The following TJP1 variants were observed in gnomAD, a reference collection of about 807,000 sequenced individuals.
The protein encoded by TJP1 is tight junction protein 1.
TJP1 carries 43 observed loss-of-function variants against 194.2 expected under a neutral mutation model. The observed-to-expected ratio is 0.22, with a 90% CI of 0.17 to 0.29. The LOEUF is 0.29. Ranked by LOEUF, TJP1 falls within the 10% of genes least tolerant of loss-of-function variation. The probability of loss-of-function intolerance (pLI) is 1.00; values close to 1 mark genes in which losing one functional copy is unlikely to be tolerated. For missense variants in TJP1, 1,971 were observed against 2,185.7 expected, an observed-to-expected ratio of 0.90 and a Z score of 1.96; for synonymous variants, 801 against 779.0, an observed-to-expected ratio of 1.03 and a Z score of -0.47.
chr15:29,885,997 T>C (rs2053103416), intron 2 of TJP1, among the ~76,000 whole-genome samples: 1 of 152,340 alleles, frequency 6.6e-6, no homozygotes, highest in African/African-American at 2.4e-5. Flanking sequence ...ATTAGGGTTT[T>C]TCAAGACGTA....
At chr15:29,757,246 A>T (rs1189042795) in intron 8 of TJP1, among the ~76,000 whole-genome samples, 1 of 152,244 alleles carries the variant, frequency 6.6e-6, no homozygotes, top group Non-Finnish European at 1.5e-5. Context: ...CATCCTAAAA[A>T]TATACAAAAG....
At position 29,710,951 on chromosome 15, in the gene TJP1, G is replaced by A. The variant is rs376207156; in HGVS notation, c.4252C>T (p.Arg1418Cys). The A allele has an allele frequency of 1.2e-5, 19 of 1,613,880 alleles. No individual in the cohort carries two copies. Among genetic ancestry groups the A allele is most frequent in the East Asian group, 2.2e-5 (1 of 44,888 alleles). ...GGAGTGGCCTGGATGGGTTCATAGC[G>A]TTTCTCGCCAAATGATCTATCCACA... is the stretch of plus-strand genomic sequence containing the variant. ...DGVDRSFGEK[R>C]YEPIQATPPP... Residue 1418 changes from arginine (R) to cysteine (C), a missense_variant, in exon 24 of 28, where the codon CGC becomes TGC. Physicochemically the swap from Arg to Cys is radical, Grantham distance 180 (BLOSUM62 -3). Coordinates refer to ENST00000614355, the MANE Select transcript of TJP1 (RefSeq NM_001330239.4).
chr15:29,902,747 C>A (rs1810257403), intron 2 of TJP1, among the ~76,000 whole-genome samples: 1 of 152,136 alleles, frequency 6.6e-6, no homozygotes, highest in Admixed American at 6.5e-5. Context: ...AAGAAAAAAA[C>A]ACTAAAGGCC....
chr15:29,712,072 ATC>A (rs2042279087), intron 23 of TJP1, among the ~76,000 whole-genome samples: 1 of 152,190 alleles, frequency 6.6e-6, no homozygotes, highest in African/African-American at 2.4e-5. Flanking sequence ...ATTCACACAA[ATC>A]TTTTTAAAAG....
At chr15:29,875,454 G>C (rs1191736707) in intron 2 of TJP1, among the ~76,000 whole-genome samples, 1 of 152,106 alleles carries the variant, frequency 6.6e-6, no homozygotes, top group Admixed American at 6.5e-5. Context: ...AGCAAATCAT[G>C]CATTTGCTTT....
intron 2 of TJP1, among the ~76,000 whole-genome samples, chr15:29,845,531 C>T (rs535945714): frequency 4.1e-4 from 62 of 152,192 alleles, no homozygotes; most frequent in African/African-American, 1.3e-3. Flanking sequence ...ACTGGCTGGG[C>T]GCAGAGGATC....
intron 1 of TJP1, among the ~76,000 whole-genome samples, chr15:29,816,964 T>A (rs545721832): frequency 2.0e-5 from 3 of 152,220 alleles, no homozygotes; most frequent in East Asian, 1.9e-4. Flanking sequence ...ACAAATGGGA[T>A]CTAATTAAAC....
intron 2 of TJP1, among the ~76,000 whole-genome samples, chr15:29,940,103 T>C (rs929799636): frequency 3.9e-5 from 6 of 152,112 alleles, no homozygotes; most frequent in Admixed American, 3.3e-4. Flanking sequence ...CTGGGTGGGG[T>C]TTATGACAGC....
At position 29,744,096 on chromosome 15, in the gene TJP1, T is replaced by C. The variant is rs528745676; in HGVS notation, c.1011-1315A>G. Among the ~76,000 whole-genome samples, 470 of 152,210 alleles carry C rather than the reference T, an allele frequency of 3.1e-3. 4 individuals are homozygous for C. The highest frequency in any genetic ancestry group is 0.01 in the African/African-American group (431 of 41,530). ...CGTGAGGCTGAGGCAGGAGAATCAA[T>C]TGAACCCAGGAGGCAGAGGTTGCAG... On this transcript the variant is annotated intron_variant, in intron 8 of 27. Coordinates refer to ENST00000614355, the MANE Select transcript of TJP1 (RefSeq NM_001330239.4).
intron 2 of TJP1, among the ~76,000 whole-genome samples, chr15:29,835,243 T>C (rs1251777094): frequency 1.3e-5 from 2 of 152,228 alleles, no homozygotes; most frequent in African/African-American, 4.8e-5. Context: ...TTTGTTTCCA[T>C]GAAAAGCTCT....
rs199603537 is a variant in TJP1, at chr15:29,708,719, A to G, written c.4690T>C (p.Ser1564Pro). 8.4e-5 allele frequency: 136 copies of G among 1,614,266 alleles called. 1 individual carries two copies. In the Middle Eastern group the frequency reaches 4.1e-3, roughly 49 times the overall value. The change falls in exon 25 of 28, where the codon TCT becomes CCT. Residue 1564 changes from serine (S) to proline (P), a missense_variant. Ser to Pro is a moderately conservative substitution (Grantham distance 74). Around this residue, in one of 5 missense-constraint regions of TJP1, gnomAD observed 1,108 missense variants for 1,128.5 expected, o/e 0.98. Transcript: ENST00000614355. ...PSETAHKPDL[S>P]SKTPTSPKTL... The stretch of plus-strand genomic sequence containing the variant: ...TTTGGAGAAGTGGGAGTTTTTGAAG[A>G]CAAGTCAGGTTTATGTGCAGTTTCA...
At chr15:29,737,514 A>G (rs766628798) in intron 10 of TJP1, 100 bp from the exon 11 acceptor site, 35 of 1,349,782 alleles carry the variant, frequency 2.6e-5, no homozygotes, top group Non-Finnish European at 3.4e-5. Flanking sequence ...ATAAAGAACC[A>G]TCATTTCTAA....
At chr15:29,727,843 CAGAAAAACT>C in intron 16 of TJP1, 85 bp downstream of exon 16, 5 of 1,005,530 alleles carry the variant, frequency 5.0e-6, no homozygotes, top group Non-Finnish European at 7.6e-6. Flanking sequence ...GTAATAGTCT[CAGAAAAACT>C]ACCTTCTACT....
At chr15:29,757,966 G>A (rs1270667627) in intron 8 of TJP1, among the ~76,000 whole-genome samples, 3 of 152,192 alleles carry the variant, frequency 2.0e-5, no homozygotes, top group Non-Finnish European at 4.4e-5. Context: ...AAGGAAATGA[G>A]CAGTGAAGGA....
upstream of TJP1, among the ~76,000 whole-genome samples, chr15:29,826,998 G>T (rs1004974194): frequency 6.6e-6 from 1 of 152,266 alleles, no homozygotes; most frequent in Admixed American, 6.5e-5. Context: ...TGATACCCCT[G>T]CTGGTCCTCT....
chr15:29,865,587 C>T (rs2052273973), intron 2 of TJP1, among the ~76,000 whole-genome samples: 1 of 152,142 alleles, frequency 6.6e-6, no homozygotes, highest in African/African-American at 2.4e-5. Flanking sequence ...AATGAGTGAA[C>T]TGCATTCATG....
chr15:29,881,140 C>T (rs1299532247), intron 2 of TJP1, among the ~76,000 whole-genome samples: 1 of 152,142 alleles, frequency 6.6e-6, no homozygotes, highest in African/African-American at 2.4e-5. Context: ...GCTATCCTAA[C>T]AGATGTGAGC....
chr15:29,784,994 A>G (rs1381972397), intron 2 of TJP1, among the ~76,000 whole-genome samples: 1 of 152,238 alleles, frequency 6.6e-6, no homozygotes, highest in Non-Finnish European at 1.5e-5. Context: ...AGACTTACTA[A>G]GAGACTATCA....
intron 1 of TJP1, among the ~76,000 whole-genome samples, chr15:29,964,219 G>A (rs1227246269): frequency 6.6e-6 from 1 of 152,126 alleles, no homozygotes; most frequent in Non-Finnish European, 1.5e-5. Flanking sequence ...GTCCTTATAA[G>A]AGACAGAGGA....
Sources: allele counts gnomAD v4.1 joint callset (sites outside exome capture counted in the v4.1 genomes callset), GRCh38; gene constraint gnomAD v4.1.1; regional missense constraint gnomAD v4.1.1; transcripts MANE v1.5; gene names NCBI Gene and HGNC (gene_info 2026-07-23, HGNC 2026-07-21).